PSD3: variants seen among roughly 807,000 people sequenced by gnomAD.
PSD3 encodes PH and SEC7 domain-containing protein 3.
A neutral mutation model predicts 105.5 loss-of-function variants in PSD3; 49 were observed. The observed-to-expected ratio is 0.46, with a 90% CI of 0.37 to 0.59. The LOEUF is 0.59. PSD3 is among the 20% of genes least tolerant of loss of function. PSD3 has a pLI of 0.00. For missense variants in PSD3, 1,561 were observed against 1,263.8 expected, an observed-to-expected ratio of 1.24 and a Z score of -3.57; for synonymous variants, 557 against 457.8, an observed-to-expected ratio of 1.22 and a Z score of -2.77.
intron 11 of PSD3, among the ~76,000 whole-genome samples, chr8:18,619,933 T>C (rs1805981949): frequency 6.6e-6 from 1 of 152,190 alleles, no homozygotes; most frequent in South Asian, 2.1e-4. Flanking sequence ...AGGCCTTCCC[T>C]TTCTAGGCCT....
At chr8:18,802,963 T>C (rs1332570809) in intron 6 of PSD3, among the ~76,000 whole-genome samples, 1 of 152,212 alleles carries the variant, frequency 6.6e-6, no homozygotes, top group Non-Finnish European at 1.5e-5. Flanking sequence ...TTTATTCCAC[T>C]GAAGAGTTAA....
chr8:18,791,481 G>A (rs1027508231), intron 8 of PSD3, among the ~76,000 whole-genome samples: 3 of 152,116 alleles, frequency 2.0e-5, no homozygotes, highest in African/African-American at 7.2e-5. Flanking sequence ...AATGGGGAAA[G>A]GATTCCTTAT....
At chr8:18,602,514 T>C (rs879760344) in intron 11 of PSD3, among the ~76,000 whole-genome samples, 9 of 152,098 alleles carry the variant, frequency 5.9e-5, no homozygotes, top group Non-Finnish European at 1.0e-4. Context: ...TGAAACAACC[T>C]ATAATCCTCC....
At chr8:19,047,950 T>C (rs981112587) in intron 1 of PSD3, among the ~76,000 whole-genome samples, 10 of 152,144 alleles carry the variant, frequency 6.6e-5, no homozygotes, top group Non-Finnish European at 1.3e-4. Context: ...TTCTTTTTTT[T>C]TTAATGAAGC....
intron 9 of PSD3, among the ~76,000 whole-genome samples, chr8:18,677,730 G>C (rs1323975637): frequency 3.3e-5 from 5 of 152,172 alleles, no homozygotes; most frequent in African/African-American, 4.8e-5. Context: ...AGAACATGTT[G>C]ACTGGGCACG....
chr8:18,991,373 T>TACACAC (rs71545538), intron 1 of PSD3, among the ~76,000 whole-genome samples: 3,419 of 100,024 alleles, frequency 0.034, 77 homozygotes, highest in East Asian at 0.086. Flanking sequence ...CACACACACA[T>TACACAC]ACACACACAC....
intron 1 of PSD3, among the ~76,000 whole-genome samples, chr8:18,956,781 G>C (rs1057147551): frequency 2.0e-5 from 3 of 152,094 alleles, no homozygotes; most frequent in Admixed American, 6.6e-5. Flanking sequence ...AATAACAGAA[G>C]GGACAATTAA....
At chr8:18,617,951 T>C (rs994837737) in intron 11 of PSD3, among the ~76,000 whole-genome samples, 3 of 152,332 alleles carry the variant, frequency 2.0e-5, no homozygotes, top group African/African-American at 2.4e-5. Context: ...ATCTGCATTC[T>C]ATAGAGAATC....
chr8:18,829,067 C>T (rs1467467963), intron 4 of PSD3, among the ~76,000 whole-genome samples: 1 of 151,738 alleles, frequency 6.6e-6, no homozygotes, highest in African/African-American at 2.4e-5. Context: ...AGTGAGACTC[C>T]GTTAAAAAAA....
intron 8 of PSD3, among the ~76,000 whole-genome samples, chr8:18,781,072 T>G (rs1451329987): frequency 6.6e-6 from 1 of 152,172 alleles, no homozygotes; most frequent in Non-Finnish European, 1.5e-5. Flanking sequence ...GTTCTGCTTT[T>G]CACCACTTTG....
At chr8:19,047,827 A>C (rs1228045025) in intron 1 of PSD3, among the ~76,000 whole-genome samples, 1 of 152,168 alleles carries the variant, frequency 6.6e-6, no homozygotes, top group South Asian at 2.1e-4. Context: ...AGCATCTCAC[A>C]CTGCACGGGA....
At chr8:18,948,709 C>A (rs1373631679) in intron 1 of PSD3, among the ~76,000 whole-genome samples, 1 of 152,200 alleles carries the variant, frequency 6.6e-6, no homozygotes, top group Admixed American at 6.5e-5. Context: ...TCACCTAAAT[C>A]TGCTTTGCAA....
intron 1 of PSD3, among the ~76,000 whole-genome samples, chr8:19,032,067 C>A (rs1827790166): frequency 6.6e-6 from 1 of 152,150 alleles, no homozygotes; most frequent in African/African-American, 2.4e-5. Flanking sequence ...CTCTGAACAC[C>A]TGGAGCGAGG....
At chr8:18,836,443 A>G (rs1814114359) in intron 4 of PSD3, among the ~76,000 whole-genome samples, 1 of 152,224 alleles carries the variant, frequency 6.6e-6, no homozygotes, top group African/African-American at 2.4e-5. Flanking sequence ...AAACTCAAAC[A>G]CAAACACACA....
chr8:18,958,366 CTTTTG>C (rs1823709812), intron 1 of PSD3, among the ~76,000 whole-genome samples: 1 of 152,120 alleles, frequency 6.6e-6, no homozygotes, highest in Non-Finnish European at 1.5e-5. Flanking sequence ...AGCTCCTGCC[CTTTTG>C]TTTTATTTAT....
chr8:19,077,367 T>C (rs57240782), intron 1 of PSD3, among the ~76,000 whole-genome samples: 10,386 of 152,226 alleles, frequency 0.068, 643 homozygotes, highest in African/African-American at 0.16. Context: ...AGTTAAATTC[T>C]AAAAAGTTAA....
At chr8:19,039,013 C>A (rs1416616155) in intron 1 of PSD3, among the ~76,000 whole-genome samples, 2 of 152,176 alleles carry the variant, frequency 1.3e-5, no homozygotes, top group Non-Finnish European at 2.9e-5. Flanking sequence ...CTCTTAACCA[C>A]TAAGCCCCCT....
At chr8:18,995,057 A>T (rs1826001335) in intron 1 of PSD3, among the ~76,000 whole-genome samples, 2 of 152,154 alleles carry the variant, frequency 1.3e-5, no homozygotes, top group South Asian at 4.2e-4. Context: ...AAATTTATTT[A>T]TAACAAAGCC....
intron 9 of PSD3, among the ~76,000 whole-genome samples, chr8:18,689,574 C>T (rs10503626): frequency 0.11 from 17,010 of 152,142 alleles, 1,695 homozygotes; most frequent in East Asian, 0.24. Flanking sequence ...CAGCCTCAGC[C>T]TATTTTCAGA....
Sources: allele counts gnomAD v4.1 joint callset (sites outside exome capture counted in the v4.1 genomes callset), GRCh38; gene constraint gnomAD v4.1.1; transcripts MANE v1.5; gene names NCBI Gene and HGNC (gene_info 2026-07-23, HGNC 2026-07-21).